ANKRD29: variants seen among roughly 807,000 people sequenced by gnomAD.
ANKRD29 encodes the protein ankyrin repeat domain 29.
ANKRD29 carries 32 observed loss-of-function variants against 38.0 expected under a neutral mutation model. The ratio of observed to expected loss-of-function variants is 0.84; its 90% CI spans 0.64 to 1.13. The LOEUF (loss-of-function observed/expected upper bound fraction) is 1.13, where lower values mean the gene tolerates loss of function less well. ANKRD29 is among the 50% of genes most tolerant of loss of function. ANKRD29 has a pLI of 0.00. For missense variants in ANKRD29, 357 were observed against 377.9 expected (o/e 0.94, Z 0.46); for synonymous variants, 135 against 152.4 (o/e 0.89, Z 0.84).
intron 8 of ANKRD29, among the ~76,000 whole-genome samples, chr18:23,614,026 C>T (rs1373848921): frequency 6.6e-6 from 1 of 152,086 alleles, no homozygotes; most frequent in African/African-American, 2.4e-5. Context: ...GCCAGTGTGC[C>T]CGGCCTTTAC....
intron 2 of ANKRD29, chr18:23,648,707 CAT>C: frequency 2.5e-6 from 1 of 396,846 alleles, no homozygotes; most frequent in East Asian, 3.6e-5. Flanking sequence ...GTAGAAGAAA[CAT>C]AACGCCCACA....
intron 9 of ANKRD29, among the ~76,000 whole-genome samples, chr18:23,610,092 G>A (rs775531655): frequency 6.6e-6 from 1 of 152,088 alleles, no homozygotes; most frequent in African/African-American, 2.4e-5. Context: ...GATATGCTTA[G>A]AAAAATTCAG....
chr18:23,646,155 G>T (rs936269629), intron 3 of ANKRD29, 34 bp downstream of exon 3: 2 of 1,593,932 alleles, frequency 1.3e-6, no homozygotes, highest in Admixed American at 1.7e-5. Flanking sequence ...CTCTGAGCCT[G>T]GTCATTTTTC....
In ANKRD29 at chr18:23,601,068, G is replaced by T; in HGVS notation, c.*158C>A. 2 of 631,964 alleles carry T rather than the reference G, an allele frequency of 3.2e-6. No homozygotes were observed. The highest frequency in any genetic ancestry group is 5.4e-6 in the Non-Finnish European group (2 of 370,678). The allele number at this position is 631,964 out of a possible 1,614,324, so 39.1% of individuals were successfully genotyped here. Reference sequence around the variant, plus strand: ...CCTGAGCTGTTTGGTTCTTGACTTCGTGCACAGAGCGTAGCTCTTCTTTGT... The same window carrying T: ...CCTGAGCTGTTTGGTTCTTGACTTCTTGCACAGAGCGTAGCTCTTCTTTGT... On this transcript the variant is annotated 3_prime_UTR_variant, in exon 10 of 10. Coordinates refer to ENST00000592179, the MANE Select transcript of ANKRD29 (RefSeq NM_173505.4).
chr18:23,617,902 T>C (rs2059745538), intron 7 of ANKRD29, 75 bp from the exon 8 acceptor site: 2 of 1,208,878 alleles, frequency 1.7e-6, no homozygotes, highest in Non-Finnish European at 2.4e-6. Context: ...AGTTGGGAAC[T>C]GGAAAGTACC....
intron 9 of ANKRD29, among the ~76,000 whole-genome samples, chr18:23,607,553 C>A (rs1199628521): frequency 2.6e-5 from 4 of 152,170 alleles, no homozygotes; most frequent in Non-Finnish European, 5.9e-5. Context: ...ATGTCCATAT[C>A]CTCTGCTATT....
chr18:23,643,614 A>G (rs142274163), intron 3 of ANKRD29, among the ~76,000 whole-genome samples: 70 of 152,346 alleles, frequency 4.6e-4, no homozygotes, highest in Non-Finnish European at 8.8e-4. Flanking sequence ...AATAGGAGCT[A>G]TACCTTAGTC....
At chr18:23,609,995 C>G (rs1240495392) in intron 9 of ANKRD29, among the ~76,000 whole-genome samples, 1 of 152,166 alleles carries the variant, frequency 6.6e-6, no homozygotes, top group Non-Finnish European at 1.5e-5. Context: ...TGTTGTTTAA[C>G]TGGCACTTCT....
At position 23,599,722 on chromosome 18, in the gene ANKRD29, T is replaced by TACA; in HGVS notation, c.*1503_*1504insTGT. ...TCAGGTTGCAGGCTTTTTGTATAGC[T>TACA]GGTCAGGCTGTAGGCACCTGTGGGG... On this transcript the variant is annotated 3_prime_UTR_variant, in exon 10 of 10. Coordinates refer to ENST00000592179, the MANE Select transcript of ANKRD29 (RefSeq NM_173505.4). 6.6e-6 allele frequency: 1 copy of TACA among 152,344 alleles called. No individual in the cohort carries two copies. Among genetic ancestry groups the TACA allele is most frequent in the South Asian group, 2.1e-4 (1 of 4,828 alleles). 9.4% of individuals were successfully genotyped at this position (152,344 alleles called of 1,614,324 possible).
intron 9 of ANKRD29, 31 bp from the exon 10 acceptor site, chr18:23,601,340 T>A: frequency 6.3e-7 from 1 of 1,595,106 alleles, no homozygotes; most frequent in Non-Finnish European, 8.6e-7. Flanking sequence ...CATTAGTGAA[T>A]CCCCATAGCT....
At chr18:23,623,725 C>T (rs903386739) in intron 6 of ANKRD29, among the ~76,000 whole-genome samples, 1 of 151,968 alleles carries the variant, frequency 6.6e-6, no homozygotes, top group Admixed American at 6.6e-5. Flanking sequence ...TCACTGCAAG[C>T]TCCGCCTCCC....
intron 8 of ANKRD29, among the ~76,000 whole-genome samples, chr18:23,614,568 C>A (rs2042855708): frequency 6.6e-6 from 1 of 151,560 alleles, no homozygotes; most frequent in East Asian, 1.9e-4. Flanking sequence ...CCTGTAATCC[C>A]AGCGCTTTAG....
rs1374489815 is a variant in ANKRD29 at position 23,600,742 on chromosome 18, G to A, written c.*484C>T. ...TGGGTAGAGGAGAATGTTTTATACT[G>A]GAATGACATACATATGTAGGTAAAA... On this transcript the variant is annotated 3_prime_UTR_variant, in exon 10 of 10. Coordinates refer to ENST00000592179, the MANE Select transcript of ANKRD29 (RefSeq NM_173505.4). 1.3e-5 allele frequency: 2 copies of A among 153,404 alleles called. No homozygotes were observed. The highest frequency in any genetic ancestry group is 2.9e-5 in the Non-Finnish European group (2 of 68,598). The allele number at this position is 153,404 out of a possible 1,614,324, so 9.5% of individuals were successfully genotyped here.
intron 8 of ANKRD29, among the ~76,000 whole-genome samples, chr18:23,616,320 G>A (rs1474586925): frequency 2.0e-5 from 3 of 149,348 alleles, no homozygotes; most frequent in Non-Finnish European, 3.0e-5. Flanking sequence ...CTTAAGGCTG[G>A]GAGTTTGAGA....
chr18:23,622,426 C>T lies in ANKRD29; in HGVS notation c.529-2797G>A, dbSNP rs557286638. 4.3e-3 allele frequency among the ~76,000 whole-genome samples: 660 copies of T among 152,232 alleles called. 14 individuals are homozygous for T. Among genetic ancestry groups the T allele is most frequent in the African/African-American group, 0.015 (616 of 41,516 alleles). ...CTTTGTCACTCTCTCCACCAGAGGGCGGGCAGGGAGAGGCAGCCAGCTGTC... is the reference window on the plus strand; with the variant it reads ...CTTTGTCACTCTCTCCACCAGAGGGTGGGCAGGGAGAGGCAGCCAGCTGTC... On this transcript the variant is annotated intron_variant, in intron 6 of 9. Transcript: ENST00000592179.
At chr18:23,654,449 G>T (rs1208778405) in intron 1 of ANKRD29, among the ~76,000 whole-genome samples, 1 of 151,246 alleles carries the variant, frequency 6.6e-6, no homozygotes, top group Admixed American at 6.6e-5. Context: ...GTGAAACCCT[G>T]TTTCTACTAA....
intron 5 of ANKRD29, 133 bp from the exon 6 acceptor site, chr18:23,630,084 A>C: frequency 1.4e-6 from 1 of 699,584 alleles, no homozygotes; most frequent in Non-Finnish European, 2.4e-6. Context: ...AATCCAGGAG[A>C]TAGAGACCAG....
At chr18:23,611,646 C>T (rs2059642887) in intron 9 of ANKRD29, among the ~76,000 whole-genome samples, 3 of 152,146 alleles carry the variant, frequency 2.0e-5, no homozygotes, top group African/African-American at 7.2e-5. Flanking sequence ...GATCACGCCA[C>T]TGCACTCCAG....
At chr18:23,619,874 A>C in intron 6 of ANKRD29, 3 of 480,134 alleles carry the variant, frequency 6.2e-6, no homozygotes, top group Non-Finnish European at 1.1e-5. Context: ...CCAGTATTCA[A>C]ATTTTGGCTT....
Sources: allele counts gnomAD v4.1 joint callset (sites outside exome capture counted in the v4.1 genomes callset), GRCh38; gene constraint gnomAD v4.1.1; transcripts MANE v1.5; gene names NCBI Gene and HGNC (gene_info 2026-07-23, HGNC 2026-07-21).